The following ABCC9 variants were observed in gnomAD, a reference collection of about 807,000 sequenced individuals.
ABCC9 encodes the protein ATP-binding cassette sub-family C member 9.
Under a neutral mutation model 188.3 loss-of-function variants are expected in ABCC9, and 95 were observed. That is an observed-to-expected ratio of 0.50 (90% CI 0.43 to 0.60). The LOEUF is 0.60. ABCC9 is among the 20% of genes least tolerant of loss of function. ABCC9 has a pLI of 0.00. For missense variants in ABCC9, 1,102 were observed against 1,876.3 expected (o/e 0.59, Z 7.62); for synonymous variants, 659 against 652.7 (o/e 1.01, Z -0.15).
At chr12:21,934,626 T>C (rs1373815437) in intron 3 of ABCC9, among the ~76,000 whole-genome samples, 5 of 151,990 alleles carry the variant, frequency 3.3e-5, no homozygotes, top group Non-Finnish European at 7.4e-5. Context: ...CGTAGAGTAA[T>C]ACTAGGTCAT....
rs829069 is a variant in ABCC9 at position 21,835,866 on chromosome 12, C to T, written c.3566+2212G>A. 0.56 allele frequency among the ~76,000 whole-genome samples: 84,385 copies of T among 151,940 alleles called. 23,850 individuals are homozygous for T. Among genetic ancestry groups the T allele is most frequent in the Admixed American group, 0.64 (9,804 of 15,258 alleles). Reference sequence around the variant, plus strand: ...GATCAAAAACAGTCCAGCTGGATATCTCATTACTACCTGTACATGTTCATA... The same window carrying T: ...GATCAAAAACAGTCCAGCTGGATATTTCATTACTACCTGTACATGTTCATA... On this transcript the variant is annotated intron_variant, in intron 30 of 39. Coordinates refer to ENST00000261200, the MANE Select transcript of ABCC9 (RefSeq NM_020297.4).
chr12:21,850,218 A>G (rs1397953787), intron 24 of ABCC9, among the ~76,000 whole-genome samples: 2 of 151,614 alleles, frequency 1.3e-5, no homozygotes, highest in East Asian at 1.9e-4. Flanking sequence ...ATGTTGCCAA[A>G]TGTCCTCTAG....
chr12:21,811,940 G>T, intron 36 of ABCC9, 109 bp downstream of exon 36: 1 of 772,514 alleles, frequency 1.3e-6, no homozygotes, highest in Non-Finnish European at 2.3e-6. Context: ...TGATTTTATT[G>T]CCTTGATATC....
chr12:21,898,210 A>G (rs908624539), intron 12 of ABCC9, among the ~76,000 whole-genome samples: 2 of 152,176 alleles, frequency 1.3e-5, no homozygotes, highest in South Asian at 2.1e-4. Context: ...CTGTTGTAAT[A>G]ATTAAATGAG....
At chr12:21,868,661 A>T (rs954937848) in intron 18 of ABCC9, among the ~76,000 whole-genome samples, 5 of 152,302 alleles carry the variant, frequency 3.3e-5, no homozygotes, top group Admixed American at 2.0e-4. Context: ...AATAAAATTT[A>T]TGCAATCAGA....
At chr12:21,809,131 A>T (rs1257122916) in intron 37 of ABCC9, among the ~76,000 whole-genome samples, 1 of 152,114 alleles carries the variant, frequency 6.6e-6, no homozygotes, top group Non-Finnish European at 1.5e-5. Context: ...TAGATGAGTT[A>T]AGATGTTAAG....
At chr12:21,933,682 T>C in intron 4 of ABCC9, 100 bp downstream of exon 4, 1 of 1,429,512 alleles carries the variant, frequency 7.0e-7, no homozygotes, top group Non-Finnish European at 9.8e-7. Flanking sequence ...GCAAAAAATA[T>C]AAAGCACATT....
At chr12:21,912,233 T>G (rs1261783538) in intron 8 of ABCC9, among the ~76,000 whole-genome samples, 1 of 152,038 alleles carries the variant, frequency 6.6e-6, no homozygotes, top group African/African-American at 2.4e-5. Context: ...AGTTTCTATA[T>G]GTAGAACTAC....
rs754465274 is a variant in ABCC9, at chr12:21,854,530, T to C, written c.2506-2025A>G. ...TTATCTTGATTGTCCTGAAATTTCTTTGGATGACAAGGGAAATATTTCAAA... is the reference window on the plus strand; with the variant it reads ...TTATCTTGATTGTCCTGAAATTTCTCTGGATGACAAGGGAAATATTTCAAA... On this transcript the variant is annotated intron_variant, in intron 22 of 39. Transcript: ENST00000261200. 2.0e-5 allele frequency among the ~76,000 whole-genome samples: 3 copies of C among 152,198 alleles called. No individual in the cohort carries two copies. The East Asian group carries it at 5.8e-4, about 29-fold the overall frequency.
chr12:21,844,714 A>G, intron 27 of ABCC9, 53 bp downstream of exon 27: 1 of 1,606,936 alleles, frequency 6.2e-7, no homozygotes, highest in Admixed American at 1.7e-5. Context: ...AAATTGAAAA[A>G]TGCATATTTT....
intron 14 of ABCC9, among the ~76,000 whole-genome samples, chr12:21,892,869 T>A (rs908060478): frequency 6.6e-6 from 1 of 152,192 alleles, no homozygotes; most frequent in Non-Finnish European, 1.5e-5. Flanking sequence ...TTATCTCATT[T>A]TAAAAGTCTT....
intron 5 of ABCC9, among the ~76,000 whole-genome samples, chr12:21,922,472 T>C (rs148381764): frequency 1.6e-4 from 25 of 152,024 alleles, no homozygotes; most frequent in Admixed American, 1.4e-3. Flanking sequence ...CAATACTTAA[T>C]TGCATTTCAC....
intron 13 of ABCC9, 40 bp from the exon 14 acceptor site, chr12:21,894,214 A>G: frequency 3.1e-6 from 5 of 1,610,530 alleles, no homozygotes; most frequent in Non-Finnish European, 4.2e-6. Context: ...AGCTGGAAAA[A>G]GTGTCACACA....
rs1175268886 is a variant in ABCC9 at position 21,910,259 on chromosome 12, C to G, written c.1218G>C (p.Gly406=). 6.2e-7 allele frequency: 1 copy of G among 1,611,116 alleles called. No homozygotes were observed. Among genetic ancestry groups the G allele is most frequent in the East Asian group, 2.2e-5 (1 of 44,830 alleles). The change falls in exon 10 of 40, where the codon GGG becomes GGC. Residue 406 remains glycine, a synonymous_variant. Coordinates refer to ENST00000261200, the MANE Select transcript of ABCC9 (RefSeq NM_020297.4). ...TGTTGATCTGCCCCAGAGTCATCTCCCCCATGGATAAGTTAGACGTAGAGA... is the reference window on the plus strand; with the variant it reads ...TGTTGATCTGCCCCAGAGTCATCTCGCCCATGGATAAGTTAGACGTAGAGA... The part of the protein sequence containing the change: ...LRLSTSNLSM[G]EMTLGQINNL...
intron 4 of ABCC9, among the ~76,000 whole-genome samples, chr12:21,928,951 C>T (rs1382560688): frequency 6.6e-6 from 1 of 152,012 alleles, no homozygotes; most frequent in Admixed American, 6.6e-5. Flanking sequence ...CCCATTACAG[C>T]AGAAAGTCTT....
chr12:21,856,003 A>G (rs150617868), intron 22 of ABCC9, among the ~76,000 whole-genome samples: 264 of 152,304 alleles, frequency 1.7e-3, no homozygotes, highest in African/African-American at 6.2e-3. Context: ...TGTGAACAGC[A>G]GTAATAACAA....
chr12:21,861,532 G>A (rs1945507191), intron 20 of ABCC9, among the ~76,000 whole-genome samples: 1 of 152,010 alleles, frequency 6.6e-6, no homozygotes, highest in African/African-American at 2.4e-5. Context: ...ACGCCCAGCT[G>A]GGTTCCGACT....
At chr12:21,922,985 A>C (rs967533004) in intron 5 of ABCC9, 1 of 151,230 alleles carries the variant, frequency 6.6e-6, no homozygotes, top group Admixed American at 6.6e-5. Context: ...TTAAATAGTC[A>C]TTTGATTTAT....
In ABCC9 at chr12:21,915,514, A is replaced by ATATATATTTT; in HGVS notation, c.816+153_816+154insAAAATATATA. On this transcript the variant is annotated intron_variant, in intron 7 of 39. Transcript: ENST00000261200. The stretch of plus-strand genomic sequence containing the variant: ...TGTGTGTGTGTGTATATATATATAT[A>ATATATATTTT]TTTTTTTTTTTTTTTTGAGACAGAG... Among the ~76,000 whole-genome samples the ATATATATTTT allele has an allele frequency of 8.5e-4, 3 of 3,522 alleles. 1 individual carries two copies. Among genetic ancestry groups the ATATATATTTT allele is most frequent in the Non-Finnish European group, 1.4e-3 (3 of 2,144 alleles). 2.3% of individuals were successfully genotyped at this position (3,522 alleles called of 152,430 possible). A position where few individuals can be genotyped will look rare whatever the true frequency, so the allele number is the denominator to read the frequency against.
Sources: gnomAD v4.1 joint callset for allele counts (sites outside exome capture counted in the v4.1 genomes callset) on GRCh38, gnomAD v4.1.1 for gene constraint, MANE v1.5 for transcripts, NCBI Gene and HGNC (gene_info 2026-07-23, HGNC 2026-07-21) for gene names.